Variants in NALCN observed in about 807,000 individuals in gnomAD.
NALCN encodes the protein sodium leak channel NALCN.
A neutral mutation model predicts 225.3 loss-of-function variants in NALCN; 111 were observed. The observed-to-expected ratio is 0.49, with a 90% CI of 0.42 to 0.58. The LOEUF (loss-of-function observed/expected upper bound fraction) is 0.58, where lower values mean the gene tolerates loss of function less well. NALCN is among the 20% of genes least tolerant of loss of function. The pLI is 0.00. For missense variants in NALCN, 1,378 were observed against 2,202.4 expected (o/e 0.63, Z 7.49); for synonymous variants, 764 against 769.0 (o/e 0.99, Z 0.11).
chr13:101,357,109 C>CT (rs1451482514), intron 6 of NALCN, among the ~76,000 whole-genome samples: 2 of 152,192 alleles, frequency 1.3e-5, no homozygotes, highest in Admixed American at 6.5e-5. Flanking sequence ...TGGAAGCATT[C>CT]TTTTTGAAAA....
intron 13 of NALCN, among the ~76,000 whole-genome samples, chr13:101,221,742 C>T (rs1208554486): frequency 6.6e-6 from 1 of 152,140 alleles, no homozygotes; most frequent in Non-Finnish European, 1.5e-5. Context: ...ATTAACCTCA[C>T]CGAAAGTTTC....
chr13:101,364,234 G>T (rs2046323813), intron 6 of NALCN, among the ~76,000 whole-genome samples: 1 of 152,076 alleles, frequency 6.6e-6, no homozygotes, highest in South Asian at 2.1e-4. Flanking sequence ...ATATCCAAAA[G>T]GGAGGAAATC....
At chr13:101,414,344 CT>C (rs2047873196) in intron 1 of NALCN, among the ~76,000 whole-genome samples, 1 of 152,190 alleles carries the variant, frequency 6.6e-6, no homozygotes, top group Admixed American at 6.5e-5. Flanking sequence ...CACCACCCAG[CT>C]TCTGGCCCAG....
chr13:101,357,315 C>A (rs2139347901), intron 6 of NALCN, among the ~76,000 whole-genome samples: 1 of 152,242 alleles, frequency 6.6e-6, no homozygotes, highest in Non-Finnish European at 1.5e-5. Flanking sequence ...ACTCCTTAAC[C>A]TGATAAGCAA....
At chr13:101,128,849 C>T (rs2036370754) in intron 17 of NALCN, among the ~76,000 whole-genome samples, 1 of 150,304 alleles carries the variant, frequency 6.7e-6, no homozygotes, top group Non-Finnish European at 1.5e-5. Context: ...AGGAGTAAGC[C>T]ACCGCACCCA....
chr13:101,391,743 G>C (rs2047151238), intron 3 of NALCN, among the ~76,000 whole-genome samples: 1 of 151,272 alleles, frequency 6.6e-6, no homozygotes, highest in Non-Finnish European at 1.5e-5. Flanking sequence ...CCAGCACTTT[G>C]GGAAGCCAAG....
At chr13:101,328,057 G>C (rs2045025484) in intron 7 of NALCN, among the ~76,000 whole-genome samples, 1 of 152,180 alleles carries the variant, frequency 6.6e-6, no homozygotes, top group Non-Finnish European at 1.5e-5. Flanking sequence ...AGCAGGATTT[G>C]ACCCACTGGC....
intron 17 of NALCN, among the ~76,000 whole-genome samples, chr13:101,127,656 C>A (rs540922419): frequency 6.6e-6 from 1 of 152,136 alleles, no homozygotes; most frequent in African/African-American, 2.4e-5. Flanking sequence ...CCACACCTGG[C>A]CTTTGGGATG....
chr13:101,132,027 T>C (rs1025050838), intron 17 of NALCN, among the ~76,000 whole-genome samples: 2 of 152,126 alleles, frequency 1.3e-5, no homozygotes, highest in Non-Finnish European at 2.9e-5. Context: ...TCTTTATTAT[T>C]TCTTTCTTTC....
At chr13:101,165,793 A>G (rs2038410295) in intron 15 of NALCN, among the ~76,000 whole-genome samples, 1 of 152,186 alleles carries the variant, frequency 6.6e-6, no homozygotes, top group Non-Finnish European at 1.5e-5. Flanking sequence ...AACCATTTTA[A>G]GTGTACAGTT....
upstream of NALCN, among the ~76,000 whole-genome samples, chr13:101,416,650 A>T (rs928116473): frequency 7.2e-5 from 11 of 152,242 alleles, no homozygotes; most frequent in Non-Finnish European, 5.9e-5. Flanking sequence ...GGCACCGCAG[A>T]GGAGGCTGCG....
chr13:101,146,035 A>G (rs2037330173), intron 15 of NALCN, among the ~76,000 whole-genome samples: 2 of 152,186 alleles, frequency 1.3e-5, no homozygotes, highest in African/African-American at 4.8e-5. Flanking sequence ...GGAAATACAA[A>G]TTGGCTAAGG....
At chr13:101,165,918 C>G (rs181371856) in intron 15 of NALCN, among the ~76,000 whole-genome samples, 1 of 152,230 alleles carries the variant, frequency 6.6e-6, no homozygotes, top group Admixed American at 6.5e-5. Context: ...CCCTCCCTAG[C>G]CCCTGGCAAC....
chr13:101,091,739 G>A (rs904749148), intron 28 of NALCN, among the ~76,000 whole-genome samples: 14 of 152,090 alleles, frequency 9.2e-5, no homozygotes, highest in African/African-American at 3.4e-4. Context: ...AAGTGAACCG[G>A]TTCTCAGAGC....
At chr13:101,192,915 C>A (rs558942524) in intron 13 of NALCN, among the ~76,000 whole-genome samples, 1 of 152,214 alleles carries the variant, frequency 6.6e-6, no homozygotes, top group Admixed American at 6.5e-5. Context: ...AGTCTAGTGA[C>A]TCTTTAAAAA....
chr13:101,395,202 T>G lies in NALCN; in HGVS notation c.272A>C (p.His91Pro). The change falls in exon 3 of 44, where the codon CAC becomes CCC. Residue 91 changes from histidine (H) to proline (P), a missense_variant. By Grantham distance (77) the His-to-Pro change is moderately conservative. Around this residue, in one of 19 missense-constraint regions of NALCN, gnomAD observed 146 missense variants for 205.9 expected, o/e 0.71. Transcript: ENST00000251127. ...LYTAEMIAKM[H>P]IRGIVKGDSS... Reference sequence around the variant, plus strand: ...GCTCACCTTGACAATGCCCCGGATGTGCATTTTTGCTATCATCTCTGCCGT... The same window carrying G: ...GCTCACCTTGACAATGCCCCGGATGGGCATTTTTGCTATCATCTCTGCCGT... 1 of 1,613,562 alleles carries G rather than the reference T, an allele frequency of 6.2e-7. No homozygotes were observed. The highest frequency in any genetic ancestry group is 8.5e-7 in the Non-Finnish European group (1 of 1,179,764).
rs1004458086 is a variant in NALCN at position 101,389,578 on chromosome 13, C to T, written c.291+5605G>A. On this transcript the variant is annotated intron_variant, in intron 3 of 43. Transcript: ENST00000251127. Reference sequence around the variant, plus strand: ...GGCCAGCAGTCCAGAGGCAGCAGAGCTCAGAACCTGACGGTCGGTACACAG... The same window carrying T: ...GGCCAGCAGTCCAGAGGCAGCAGAGTTCAGAACCTGACGGTCGGTACACAG... 4.6e-5 allele frequency among the ~76,000 whole-genome samples: 7 copies of T among 152,264 alleles called. 1 individual carries two copies. The highest frequency in any genetic ancestry group is 4.2e-4 in the South Asian group (2 of 4,818).
intron 9 of NALCN, among the ~76,000 whole-genome samples, chr13:101,285,970 T>C (rs770108645): frequency 6.6e-6 from 1 of 152,220 alleles, no homozygotes; most frequent in Non-Finnish European, 1.5e-5. Context: ...TAATTTTCTC[T>C]CTTAAATTTT....
chr13:101,304,916 CA>C (rs2044104678), intron 7 of NALCN, among the ~76,000 whole-genome samples: 1 of 151,738 alleles, frequency 6.6e-6, no homozygotes, highest in Non-Finnish European at 1.5e-5. Flanking sequence ...CCACCACGCC[CA>C]GCTGATTTTT....
Sources: gnomAD v4.1 joint callset for allele counts (sites outside exome capture counted in the v4.1 genomes callset) on GRCh38, gnomAD v4.1.1 for gene constraint, gnomAD v4.1.1 regional missense constraint, MANE v1.5 for transcripts, NCBI Gene and HGNC (gene_info 2026-07-23, HGNC 2026-07-21) for gene names.